PCF11: variants seen among roughly 807,000 people sequenced by gnomAD.
The protein encoded by PCF11 is pre-mRNA cleavage complex 2 protein Pcf11.
Under a neutral mutation model 166.1 loss-of-function variants are expected in PCF11, and 19 were observed. The observed-to-expected ratio is 0.11, with a 90% CI of 0.08 to 0.17. The LOEUF (loss-of-function observed/expected upper bound fraction) is 0.17. PCF11 is among the 10% of genes least tolerant of loss of function. PCF11 has a pLI of 1.00. For synonymous variants in PCF11, 663 were observed against 644.1 expected (o/e 1.03, Z -0.44); for missense variants, 1,565 against 1,855.5 (o/e 0.84, Z 2.88).
At chr11:83,169,214 A>G in exon 8 of PCF11, 4 of 1,613,388 alleles carry the variant, frequency 2.5e-6, no homozygotes, top group Non-Finnish European at 8.5e-7. Flanking sequence ...GAGGGCCCCC[A>G]TGGTCAGTCA....
intron 14 of PCF11, among the ~76,000 whole-genome samples, chr11:83,182,806 T>A (rs766035032): frequency 6.6e-6 from 1 of 152,194 alleles, no homozygotes; most frequent in East Asian, 1.9e-4. Flanking sequence ...CATCAAACTA[T>A]ACTGTGCTGA....
At chr11:83,169,852 C>G in exon 8 of PCF11, 2 of 1,613,512 alleles carry the variant, frequency 1.2e-6, no homozygotes, top group Non-Finnish European at 1.7e-6. Context: ...ACCACATGGC[C>G]CTGGAAACCA....
chr11:83,177,079 TG>T lies in PCF11; in HGVS notation c.3758-5del. ...GTTTTTTTTCTTTCTTTCTTTTTTT[TG>T]TTAGGAGCCCTCCCTAAGGCATATC... On this transcript the variant is annotated splice_region_variant and splice_polypyrimidine_tract_variant and intron_variant, in intron 9 of 15. Transcript: ENST00000298281. 1 of 1,461,818 alleles carries T rather than the reference TG, an allele frequency of 6.8e-7. No individual in the cohort carries two copies. The highest frequency in any genetic ancestry group is 9.0e-7 in the Non-Finnish European group (1 of 1,105,984). 90.6% of individuals were successfully genotyped at this position (1,461,818 alleles called of 1,614,324 possible). A position where few individuals can be genotyped will look rare whatever the true frequency, so the allele number is the denominator to read the frequency against.
exon 5 of PCF11, chr11:83,165,609 C>T (rs1860419733): frequency 6.2e-7 from 1 of 1,606,930 alleles, no homozygotes; most frequent in Non-Finnish European, 8.5e-7. Context: ...GGCAGTTTCT[C>T]TTAGTGTTCA....
chr11:83,170,944 G>A (rs1360776016), intron 8 of PCF11, among the ~76,000 whole-genome samples: 1 of 152,180 alleles, frequency 6.6e-6, no homozygotes, highest in Non-Finnish European at 1.5e-5. Context: ...ATCCTTGAAA[G>A]AAATGATACT....
At chr11:83,160,658 C>T (rs765759020) in intron 1 of PCF11, among the ~76,000 whole-genome samples, 40 of 152,256 alleles carry the variant, frequency 2.6e-4, no homozygotes, top group Non-Finnish European at 5.0e-4. Context: ...CAGGACAAAT[C>T]CTGGTTTCCA....
intron 9 of PCF11, among the ~76,000 whole-genome samples, chr11:83,176,698 TC>T (rs1483805523): frequency 6.9e-6 from 1 of 144,568 alleles, no homozygotes; most frequent in African/African-American, 2.6e-5. Flanking sequence ...GGGTGGGGGG[TC>T]TGGGGGAGGG....
intron 11 of PCF11, among the ~76,000 whole-genome samples, chr11:83,178,251 C>T (rs978444172): frequency 6.6e-6 from 1 of 151,954 alleles, no homozygotes; most frequent in Non-Finnish European, 1.5e-5. Flanking sequence ...AACTCCTAAC[C>T]TCCAGTGATC....
At chr11:83,186,466 G>A (rs1348538604) in exon 16 of PCF11, 3 of 152,152 alleles carry the variant, frequency 2.0e-5, no homozygotes, top group Admixed American at 1.3e-4. Context: ...CGAATTCCTG[G>A]GCTCAAGTGA....
chr11:83,163,134 A>G (rs984037738), intron 2 of PCF11, among the ~76,000 whole-genome samples: 6 of 152,216 alleles, frequency 3.9e-5, no homozygotes, highest in African/African-American at 1.4e-4. Context: ...ATTTAAAACT[A>G]AGGCTTATCA....
intron 14 of PCF11, 88 bp from the exon 15 acceptor site, chr11:83,182,950 A>C: frequency 1.2e-6 from 1 of 834,278 alleles, no homozygotes; most frequent in Non-Finnish European, 1.9e-6. Flanking sequence ...TCCAAAGACT[A>C]TCTTCTGGCT....
At chr11:83,170,260 C>CT (rs1052258629) in intron 8 of PCF11, among the ~76,000 whole-genome samples, 23 of 150,440 alleles carry the variant, frequency 1.5e-4, no homozygotes, top group African/African-American at 2.0e-4. Flanking sequence ...TTTCTTTTTC[C>CT]TTTTTTTTTG....
intron 1 of PCF11, 47 bp downstream of exon 1, chr11:83,157,678 T>G: frequency 6.5e-7 from 1 of 1,532,616 alleles, no homozygotes; most frequent in East Asian, 2.3e-5. Context: ...TACTCCCTGA[T>G]TTTAGTGTCA....
exon 16 of PCF11, chr11:83,187,247 G>C (rs886067412): frequency 1.3e-5 from 2 of 152,188 alleles, no homozygotes; most frequent in African/African-American, 4.8e-5. Context: ...GAGTAGAGGC[G>C]GGGTTTCACC....
Position 83,184,151 on chromosome 11 carries a change from CAA to C in PCF11, c.4453-507_4453-506del, listed in dbSNP as rs34996416. On this transcript the variant is annotated intron_variant, in intron 15 of 15. Coordinates refer to ENST00000298281, the Ensembl canonical transcript of PCF11. ...TGTGCGACAAGAGTGAGCTCTGTCT[CAA>C]AAAAAAAAAAAAAAAAAAAAGTTCA... 1.8e-3 allele frequency: 141 copies of C among 77,566 alleles called. 1 individual carries two copies. Among genetic ancestry groups the C allele is most frequent in the Middle Eastern group, 0.014 (2 of 138 alleles). 4.8% of individuals were successfully genotyped at this position (77,566 alleles called of 1,614,324 possible).
Position 83,169,827 on chromosome 11 carries a change from A to G in PCF11, c.3492A>G (p.Gly1164=), listed in dbSNP as rs764483013. The change falls in exon 8 of 16, where the codon GGA becomes GGG. Residue 1164 remains glycine, a synonymous_variant. Transcript: ENST00000298281. ...AACAAATATTTGATTCACCTCAAGGACCAAATTTTAATGGACCACATGGCC... is the reference window on the plus strand; with the variant it reads ...AACAAATATTTGATTCACCTCAAGGGCCAAATTTTAATGGACCACATGGCC... 1.9e-6 allele frequency: 3 copies of G among 1,613,742 alleles called. No homozygotes were observed. The Admixed American group carries it at 5.0e-5, about 27-fold the overall frequency.
At chr11:83,168,994 G>A in exon 8 of PCF11, 4 of 1,613,880 alleles carry the variant, frequency 2.5e-6, no homozygotes, top group Non-Finnish European at 3.4e-6. Context: ...TCAACCTGTG[G>A]GTGGTCTAAG....
chr11:83,166,422 A>G (rs1860461519), exon 5 of PCF11: 1 of 1,614,038 alleles, frequency 6.2e-7, no homozygotes, highest in Non-Finnish European at 8.5e-7. Context: ...AAGGCAAAGA[A>G]GTATGTCTCC....
chr11:83,171,112 A>G, intron 8 of PCF11: 1 of 319,840 alleles, frequency 3.1e-6, no homozygotes, highest in Non-Finnish European at 6.2e-6. Context: ...AGCAATATGT[A>G]GAAGTCCTGC....
Sources: gnomAD v4.1 joint callset for allele counts (sites outside exome capture counted in the v4.1 genomes callset) on GRCh38, gnomAD v4.1.1 for gene constraint, MANE v1.5 for transcripts, NCBI Gene and HGNC (gene_info 2026-07-23, HGNC 2026-07-21) for gene names.